The following PXMP2 variants were observed in gnomAD, a reference collection of about 807,000 sequenced individuals.
PXMP2 encodes the protein peroxisomal membrane protein 2.
PXMP2 carries 13 observed loss-of-function variants against 20.2 expected under a neutral mutation model. The observed-to-expected ratio is 0.64, with a 90% confidence interval of 0.42 to 1.02. The LOEUF is 1.02. Among genes scored for constraint, PXMP2 ranks in the 50% least tolerant of loss-of-function variants. The pLI is 0.00. For synonymous variants in PXMP2, 113 were observed against 111.2 expected, an observed-to-expected ratio of 1.02 and a Z score of -0.10; for missense variants, 284 against 251.8, an observed-to-expected ratio of 1.13 and a Z score of -0.87.
At chr12:132,703,849 A>G (rs944943490) in intron 4 of PXMP2, among the ~76,000 whole-genome samples, 8 of 152,236 alleles carry the variant, frequency 5.3e-5, no homozygotes, top group African/African-American at 1.9e-4. Context: ...GCCATGGGCC[A>G]CTGGTTCTCG....
intron 2 of PXMP2, among the ~76,000 whole-genome samples, chr12:132,694,285 G>A (rs1207030240): frequency 9.4e-6 from 1 of 106,102 alleles, no homozygotes; most frequent in Non-Finnish European, 2.1e-5. Flanking sequence ...CAGTTAGTTA[G>A]TGAGCTCCCT....
chr12:132,693,949 C>A (rs1450085826), intron 2 of PXMP2, among the ~76,000 whole-genome samples: 1 of 94,670 alleles, frequency 1.1e-5, no homozygotes, highest in Non-Finnish European at 2.3e-5. Flanking sequence ...AGCGCCCTTG[C>A]CAGTTAGTTA....
Position 132,690,230 on chromosome 12 carries a change from A to G in PXMP2, c.123-33A>G, listed in dbSNP as rs2043358112. ...GGAAAGGGACACCCTCCTGCTGGTC[A>G]CTGCTGTTTTCTGATGACCTCCCTC... On this transcript the variant is annotated intron_variant, in intron 1 of 4. Coordinates refer to ENST00000317479, the MANE Select transcript of PXMP2 (RefSeq NM_018663.3). 5 of 1,550,212 alleles carry G rather than the reference A, an allele frequency of 3.2e-6. No individual in the cohort carries two copies. The African/African-American group carries it at 5.5e-5, about 17-fold the overall frequency.
chr12:132,699,653 C>G (rs1593108799), intron 3 of PXMP2, among the ~76,000 whole-genome samples: 1 of 151,722 alleles, frequency 6.6e-6, no homozygotes, highest in Admixed American at 6.6e-5. Flanking sequence ...CCTCAGCCTC[C>G]CAAAGTGCTG....
At chr12:132,695,450 G>C (rs563276291) in intron 2 of PXMP2, among the ~76,000 whole-genome samples, 2 of 152,318 alleles carry the variant, frequency 1.3e-5, no homozygotes, top group South Asian at 2.1e-4. Context: ...CCCTGTTCTG[G>C]GCACTGCAGT....
In PXMP2 at chr12:132,696,340, G is replaced by A. The variant is rs780282434; in HGVS notation, c.399+294G>A. Reference sequence around the variant, plus strand: ...AAACCTCAAACTCCTGGGTTCAAGCGATCCTCTTGCCTCAGCCTCCCAAGT... The same window carrying A: ...AAACCTCAAACTCCTGGGTTCAAGCAATCCTCTTGCCTCAGCCTCCCAAGT... On this transcript the variant is annotated intron_variant, in intron 3 of 4. Transcript: ENST00000317479. This position sits in a 1 kb window ranked among gnomAD's most constrained non-coding sequence, Gnocchi z 4.4. Among the ~76,000 whole-genome samples, 1 of 152,082 alleles carries A rather than the reference G, an allele frequency of 6.6e-6. No homozygotes were observed. The highest frequency in any genetic ancestry group is 2.4e-5 in the African/African-American group (1 of 41,420).
intron 3 of PXMP2, among the ~76,000 whole-genome samples, chr12:132,699,531 T>C (rs2043427247): frequency 6.8e-6 from 1 of 146,950 alleles, no homozygotes; most frequent in East Asian, 2.0e-4. Flanking sequence ...ACATGCTTTT[T>C]TTTTTTTTTT....
At chr12:132,703,381 G>A (rs751151053) in intron 4 of PXMP2, among the ~76,000 whole-genome samples, 5 of 152,214 alleles carry the variant, frequency 3.3e-5, no homozygotes, top group African/African-American at 4.8e-5. Flanking sequence ...GGGTGCAGAC[G>A]TGAAGCTGCT....
chr12:132,690,697 C>T (rs922136819), intron 2 of PXMP2, among the ~76,000 whole-genome samples: 21 of 152,044 alleles, frequency 1.4e-4, no homozygotes, highest in Admixed American at 3.9e-4. Context: ...AGGCACACAC[C>T]GCCATGCCCA....
chr12:132,688,493 A>G (rs1360050325), intron 1 of PXMP2, among the ~76,000 whole-genome samples: 21 of 3,774 alleles, frequency 5.6e-3, no homozygotes, highest in Non-Finnish European at 7.5e-3. Flanking sequence ...GACAGGGCCA[A>G]GGGAGCGGGT....
At chr12:132,692,119 T>C (rs1342856016) in intron 2 of PXMP2, among the ~76,000 whole-genome samples, 2 of 142,314 alleles carry the variant, frequency 1.4e-5, no homozygotes, top group East Asian at 4.0e-4. Flanking sequence ...AGTTAGTTAG[T>C]GAGCTCCCTT....
At chr12:132,701,207 T>A in intron 3 of PXMP2, 43 bp from the exon 4 acceptor site, 1 of 1,610,688 alleles carries the variant, frequency 6.2e-7, no homozygotes, top group Non-Finnish European at 8.5e-7. Context: ...TCAGTTCTGA[T>A]GGGCAGTGAG....
chr12:132,704,482 C>A lies in PXMP2; in HGVS notation c.520-137C>A, dbSNP rs566302801. Reference sequence around the variant, plus strand: ...ACAGCGTTTGGTACGAACAAAGGCTCAGTAAATGCAGTAATGGATGGGTGG... The same window carrying A: ...ACAGCGTTTGGTACGAACAAAGGCTAAGTAAATGCAGTAATGGATGGGTGG... On this transcript the variant is annotated intron_variant, in intron 4 of 4. Transcript: ENST00000317479. 11 of 566,350 alleles carry A rather than the reference C, an allele frequency of 1.9e-5. No individual in the cohort carries two copies. In the East Asian group the frequency reaches 3.2e-4, roughly 17 times the overall value. 35.1% of individuals were successfully genotyped at this position (566,350 alleles called of 1,614,324 possible).
rs376408714 is a variant in PXMP2, at chr12:132,701,353, A to G, written c.503A>G (p.Asn168Ser). Residue 168 changes from asparagine to serine, a missense_variant, in exon 4 of 5, where the codon AAC (asparagine) becomes AGC (serine). Asn to Ser is a conservative substitution (Grantham distance 46). Transcript: ENST00000317479. ...VWTPLQFININYVPLKFRVLF... is the reference protein window; with the variant it reads ...VWTPLQFINISYVPLKFRVLF... ...ACGCCACTACAGTTCATCAACATCA[A>G]CTACGTCCCTCTGAAGGTGAGGGCC... 6 of 1,612,886 alleles carry G rather than the reference A, an allele frequency of 3.7e-6. No homozygotes were observed. Among genetic ancestry groups the G allele is most frequent in the Admixed American group, 1.7e-5 (1 of 59,978 alleles).
chr12:132,704,867 A>AAGGC lies in PXMP2; in HGVS notation c.*183_*186dup. ...GAATGTCAGAACCCTGTCTTTTAAA[A>AAGGC]AGGCAGTCGCTGCCTTCAGGTGGTG... is the stretch of plus-strand genomic sequence containing the variant. On this transcript the variant is annotated 3_prime_UTR_variant, in exon 5 of 5. Coordinates refer to ENST00000317479, the MANE Select transcript of PXMP2 (RefSeq NM_018663.3). 1 of 678,664 alleles carries AAGGC rather than the reference A, an allele frequency of 1.5e-6. No homozygotes were observed. The allele number at this position is 678,664 out of a possible 1,614,324, so 42.0% of individuals were successfully genotyped here.
At chr12:132,688,062 G>C (rs1457072681) in intron 1 of PXMP2, 1 of 216,824 alleles carries the variant, frequency 4.6e-6, no homozygotes, top group African/African-American at 2.4e-5. Context: ...TTCCACCCAA[G>C]GACCCAACAG....
Position 132,687,723 on chromosome 12 carries a change from C to T in PXMP2, c.53C>T (p.Pro18Leu), listed in dbSNP as rs2043313772. 1 of 1,212,116 alleles carries T rather than the reference C, an allele frequency of 8.3e-7. No individual in the cohort carries two copies. The highest frequency in any genetic ancestry group is 1.0e-6 in the Non-Finnish European group (1 of 973,490). The allele number at this position is 1,212,116 out of a possible 1,614,324, so 75.1% of individuals were successfully genotyped here. ...LRAEAGLGAL[P>L]RRALAQYLLF... Reference sequence around the variant, plus strand: ...GCCGAAGCCGGGCTCGGGGCGCTGCCGCGGCGGGCGCTCGCCCAGTACCTG... The same window carrying T: ...GCCGAAGCCGGGCTCGGGGCGCTGCTGCGGCGGGCGCTCGCCCAGTACCTG... The change falls in exon 1 of 5, where the codon CCG becomes CTG. Residue 18 changes from proline (P) to leucine (L), a missense_variant. Coordinates refer to ENST00000317479, the MANE Select transcript of PXMP2 (RefSeq NM_018663.3).
intron 4 of PXMP2, 124 bp downstream of exon 4, chr12:132,701,493 G>A: frequency 7.8e-7 from 1 of 1,282,728 alleles, no homozygotes; most frequent in South Asian, 1.5e-5. Context: ...TTCTTTGGTA[G>A]TTTTCCGCTA....
chr12:132,689,847 A>G (rs1044541211), intron 1 of PXMP2, among the ~76,000 whole-genome samples: 1 of 152,208 alleles, frequency 6.6e-6, no homozygotes, highest in Non-Finnish European at 1.5e-5. Flanking sequence ...CACAGATCCT[A>G]TTCGGATTTC....
Sources: allele counts gnomAD v4.1 joint callset (sites outside exome capture counted in the v4.1 genomes callset), GRCh38; gene constraint gnomAD v4.1.1; non-coding constraint Gnocchi (gnomAD v3.1); transcripts MANE v1.5; gene names NCBI Gene and HGNC (gene_info 2026-07-23, HGNC 2026-07-21).